The following CALN1 variants were observed in gnomAD, a reference collection of about 807,000 sequenced individuals.
The protein encoded by CALN1 is calcium-binding protein 8.
CALN1 carries 17 observed loss-of-function variants against 30.6 expected under a neutral mutation model. That is an observed-to-expected ratio of 0.56 (90% CI 0.38 to 0.83). The LOEUF (loss-of-function observed/expected upper bound fraction) is 0.83, where lower values mean the gene tolerates loss of function less well. Among genes scored for constraint, CALN1 ranks in the 40% least tolerant of loss-of-function variants. The pLI is 0.00. For missense variants in CALN1, 291 were observed against 354.9 expected (o/e 0.82, Z 1.45); for synonymous variants, 156 against 131.4 (o/e 1.19, Z -1.28).
At chr7:72,414,659 G>C (rs939981582), upstream of CALN1, among the ~76,000 whole-genome samples, 2 of 152,198 alleles carry the variant, frequency 1.3e-5, no homozygotes, top group Admixed American at 6.5e-5. Flanking sequence ...ATTTCTCCCA[G>C]GACGACTGAG....
chr7:72,194,922 C>T (rs1206186574), intron 3 of CALN1, among the ~76,000 whole-genome samples: 1 of 152,034 alleles, frequency 6.6e-6, no homozygotes, highest in East Asian at 1.9e-4. Flanking sequence ...CACAATTCTC[C>T]CTCACTCTTC....
chr7:72,370,851 G>A (rs1467169009), intron 2 of CALN1, among the ~76,000 whole-genome samples: 1 of 151,920 alleles, frequency 6.6e-6, no homozygotes, highest in Non-Finnish European at 1.5e-5. Flanking sequence ...TTTGAGACCA[G>A]CCAGGCCAAC....
intron 1 of CALN1, among the ~76,000 whole-genome samples, chr7:72,405,859 TG>T (rs751867664): frequency 5.3e-5 from 8 of 152,318 alleles, no homozygotes; most frequent in East Asian, 1.9e-4. Context: ...CTTCTGAATA[TG>T]TTGAGTCCCT....
Position 71,960,682 on chromosome 7 carries a change from G to A in CALN1, c.501+62975C>T, listed in dbSNP as rs548058826. 3.9e-5 allele frequency among the ~76,000 whole-genome samples: 6 copies of A among 152,298 alleles called. No homozygotes were observed. In the South Asian group the frequency reaches 1.2e-3, roughly 32 times the overall value. On this transcript the variant is annotated intron_variant, in intron 5 of 6. Transcript: ENST00000395275. Reference sequence around the variant, plus strand: ...TGATATAATGATTTCTTTCCTGGTAGTGGGATTGCTGGATTGAATGGCAGT... The same window carrying A: ...TGATATAATGATTTCTTTCCTGGTAATGGGATTGCTGGATTGAATGGCAGT...
chr7:71,878,826 G>A (rs1330422788), intron 5 of CALN1, among the ~76,000 whole-genome samples: 2 of 152,116 alleles, frequency 1.3e-5, no homozygotes, highest in African/African-American at 2.4e-5. Context: ...TTCCCTCCAC[G>A]CCAAGCCTGA....
chr7:71,826,474 G>A (rs530402913), intron 5 of CALN1, among the ~76,000 whole-genome samples: 143 of 152,318 alleles, frequency 9.4e-4, no homozygotes, highest in Non-Finnish European at 1.4e-3. Flanking sequence ...GTGAAGCCAG[G>A]AAGGTGCTTT....
chr7:71,796,205 C>T (rs547836174), intron 6 of CALN1, among the ~76,000 whole-genome samples: 14 of 152,106 alleles, frequency 9.2e-5, no homozygotes, highest in African/African-American at 2.7e-4. Context: ...AAGCTATAAA[C>T]GTTTGGGTTC....
At chr7:72,473,660 C>T in the CALN1 span, among the ~76,000 whole-genome samples, 4 of 151,990 alleles carry the variant, frequency 2.6e-5, no homozygotes, top group African/African-American at 9.7e-5. Flanking sequence ...GGGCTGGGCA[C>T]GGTGGCTCAT....
intron 2 of CALN1, among the ~76,000 whole-genome samples, chr7:72,308,364 T>TGGA (rs1799795245): frequency 1.7e-5 from 1 of 57,888 alleles, no homozygotes; most frequent in Non-Finnish European, 2.9e-5. Flanking sequence ...ATGCTGTCTG[T>TGGA]GGGGGGGGGA....
intron 5 of CALN1, among the ~76,000 whole-genome samples, chr7:71,845,188 G>A (rs997044245): frequency 1.3e-5 from 2 of 152,172 alleles, no homozygotes; most frequent in Admixed American, 1.3e-4. Flanking sequence ...CTGGCAGAAT[G>A]TGTCTTACTT....
In CALN1 at chr7:71,981,989, C is replaced by T. The variant is rs1447564229; in HGVS notation, c.501+41668G>A. Among the ~76,000 whole-genome samples, 5 of 152,190 alleles carry T rather than the reference C, an allele frequency of 3.3e-5. No individual in the cohort carries two copies. In the East Asian group the frequency reaches 9.6e-4, roughly 29 times the overall value. ...GAAACACTGCAGGCTCCCAGCTCAT[C>T]CCAGCCAGGCACGCTGCCTGGCTTC... On this transcript the variant is annotated intron_variant, in intron 5 of 6. Transcript: ENST00000395275.
At chr7:71,861,777 CAAAAAAAAAAAAAA>C (rs35793572) in intron 5 of CALN1, among the ~76,000 whole-genome samples, 1 of 74,712 alleles carries the variant, frequency 1.3e-5, no homozygotes, top group Non-Finnish European at 2.4e-5. Flanking sequence ...CAACTCTATC[CAAAAAAAAAAAAAA>C]AAAAAAAAAG....
At chr7:72,313,079 C>T (rs1800168274) in intron 2 of CALN1, among the ~76,000 whole-genome samples, 1 of 152,082 alleles carries the variant, frequency 6.6e-6, no homozygotes, top group Non-Finnish European at 1.5e-5. Context: ...AGGTGATCCG[C>T]CCACCTCGGC....
chr7:71,887,523 C>A (rs538996477), intron 5 of CALN1, among the ~76,000 whole-genome samples: 10 of 152,158 alleles, frequency 6.6e-5, no homozygotes, highest in Non-Finnish European at 1.3e-4. Flanking sequence ...GTCTTGAACC[C>A]CCCCACTTCA....
chr7:72,266,707 C>A (rs1487639257), intron 3 of CALN1, among the ~76,000 whole-genome samples: 2 of 152,124 alleles, frequency 1.3e-5, no homozygotes, highest in Non-Finnish European at 2.9e-5. Context: ...GGTAGGTACT[C>A]GGGTTTCTTT....
In CALN1 at chr7:72,189,566, A is replaced by T. The variant is rs564987238; in HGVS notation, c.245-83272T>A. 4.6e-5 allele frequency among the ~76,000 whole-genome samples: 7 copies of T among 152,188 alleles called. No homozygotes were observed. The East Asian group carries it at 1.4e-3, about 30-fold the overall frequency. On this transcript the variant is annotated intron_variant, in intron 3 of 6. Transcript: ENST00000395275. The stretch of plus-strand genomic sequence containing the variant: ...TTCCATTCCATCACTTGAGGCCATG[A>T]GTTCAAGACCAGTCTGGCCATTGTG...
intron 4 of CALN1, among the ~76,000 whole-genome samples, chr7:72,053,885 G>A (rs1368404981): frequency 4.7e-5 from 7 of 150,160 alleles, no homozygotes; most frequent in Admixed American, 1.3e-4. Context: ...GAGAACATAC[G>A]ATGCTTAGTC....
At chr7:71,887,868 C>G (rs117471137) in intron 5 of CALN1, among the ~76,000 whole-genome samples, 1 of 152,082 alleles carries the variant, frequency 6.6e-6, no homozygotes, top group East Asian at 1.9e-4. Context: ...ATGCTGCTAC[C>G]GAGAATGTGT....
At chr7:71,866,298 C>T (rs1402855558) in intron 5 of CALN1, among the ~76,000 whole-genome samples, 1 of 152,108 alleles carries the variant, frequency 6.6e-6, no homozygotes, top group Non-Finnish European at 1.5e-5. Flanking sequence ...TGAGGCACCG[C>T]GCCCAGCCAA....
Sources: gnomAD v4.1 joint callset for allele counts (sites outside exome capture counted in the v4.1 genomes callset) on GRCh38, gnomAD v4.1.1 for gene constraint, MANE v1.5 for transcripts, NCBI Gene and HGNC (gene_info 2026-07-23, HGNC 2026-07-21) for gene names.